Variants in MYO10 observed in about 807,000 individuals in gnomAD.
The protein encoded by MYO10 is myosin X, also known as unconventional myosin-X.
A neutral mutation model predicts 257.3 loss-of-function variants in MYO10; 133 were observed. The observed-to-expected ratio is 0.52, with a 90% CI of 0.45 to 0.60. The LOEUF (loss-of-function observed/expected upper bound fraction) is 0.60. MYO10 is among the 20% of genes least tolerant of loss of function. The probability of loss-of-function intolerance (pLI) is 0.00; values close to 1 mark genes in which losing one functional copy is unlikely to be tolerated. For missense variants in MYO10, 2,399 were observed against 2,635.7 expected (o/e 0.91, Z 1.97); for synonymous variants, 1,104 against 1,028.6 (o/e 1.07, Z -1.40).
intron 2 of MYO10, among the ~76,000 whole-genome samples, chr5:16,832,467 C>T (rs1743189214): frequency 6.6e-6 from 1 of 152,020 alleles, no homozygotes; most frequent in South Asian, 2.1e-4. Context: ...CACAAGCTCT[C>T]AGAAGGAAAA....
intron 2 of MYO10, among the ~76,000 whole-genome samples, chr5:16,822,626 T>C (rs775147771): frequency 1.3e-5 from 2 of 152,148 alleles, no homozygotes; most frequent in Non-Finnish European, 2.9e-5. Context: ...TCTTAATACA[T>C]TATTGGGTGA....
intron 2 of MYO10, among the ~76,000 whole-genome samples, chr5:16,840,968 C>T (rs561879128): frequency 3.3e-5 from 5 of 151,084 alleles, no homozygotes; most frequent in East Asian, 2.0e-4. Flanking sequence ...TGGTGAAACC[C>T]CATCTCTACT....
Position 16,694,608 on chromosome 5 carries a change from A to G in MYO10, c.3563T>C (p.Leu1188Pro), listed in dbSNP as rs377739525. ...CCAGCGGCGTTTCCAAGAGTTCATC[A>G]GGCCACCTGTTCCCCGTGAGATTGG... Reference protein sequence around the residue: ...FHSFLYMKGGLMNSWKRRWCV... With the variant: ...FHSFLYMKGGPMNSWKRRWCV... Residue 1188 changes from leucine to proline, a missense_variant, in exon 27 of 41, where the codon CTG becomes CCG. Coordinates refer to ENST00000513610, the MANE Select transcript of MYO10 (RefSeq NM_012334.3). 4.8e-5 allele frequency: 77 copies of G among 1,613,634 alleles called. No individual in the cohort carries two copies. The highest frequency in any genetic ancestry group is 6.4e-5 in the Non-Finnish European group (75 of 1,179,880).
rs779194658 is a variant in MYO10 at position 16,701,602 on chromosome 5, C to T, written c.2793G>A (p.Glu931=). Residue 931 remains glutamate (E), a synonymous_variant, in exon 25 of 41, where the codon GAG becomes GAA. Coordinates refer to ENST00000513610, the MANE Select transcript of MYO10 (RefSeq NM_012334.3). The surrounding 1 kb of genome is among the most constrained non-coding windows in gnomAD (Gnocchi z 8.1). Reference sequence around the variant, plus strand: ...CCTGGGCCGCCCTGCACGCTTCCTCCTCCAGCCTGCGGAGCTCCTGGTCCC... The same window carrying T: ...CCTGGGCCGCCCTGCACGCTTCCTCTTCCAGCCTGCGGAGCTCCTGGTCCC... ...ERRDQELRRL[E]EEACRAAQEF... 2.5e-6 allele frequency: 4 copies of T among 1,613,112 alleles called. No individual in the cohort carries two copies. Among genetic ancestry groups the T allele is most frequent in the Non-Finnish European group, 3.4e-6 (4 of 1,179,610 alleles).
At chr5:16,819,023 TTAAA>T (rs751612268) in intron 2 of MYO10, among the ~76,000 whole-genome samples, 1 of 152,194 alleles carries the variant, frequency 6.6e-6, no homozygotes, top group South Asian at 2.1e-4. Flanking sequence ...TTTAAGTACT[TTAAA>T]TATGGTATAC....
At chr5:16,738,485 A>G (rs1290422157) in intron 19 of MYO10, 1 of 872,302 alleles carries the variant, frequency 1.1e-6, no homozygotes, top group Non-Finnish European at 1.4e-6. Flanking sequence ...GAGGGAGCCC[A>G]GTCAAGTTCC....
Position 16,935,836 on chromosome 5 carries a change from A to C in MYO10, c.-28T>G. 1 of 1,611,900 alleles carries C rather than the reference A, an allele frequency of 6.2e-7. No homozygotes were observed. Among genetic ancestry groups the C allele is most frequent in the Non-Finnish European group, 8.5e-7 (1 of 1,179,216 alleles). ...TTCCAGCGCAGTCCCGGACTCGCCG[A>C]GTGCCGCTCCGACTCGCGGAAGTCA... On this transcript the variant is annotated 5_prime_UTR_variant, in exon 1 of 41. Coordinates refer to ENST00000513610, the MANE Select transcript of MYO10 (RefSeq NM_012334.3).
rs967076993 is a variant in MYO10 at position 16,890,625 on chromosome 5, A to G, written c.22-12918T>C. Among the ~76,000 whole-genome samples the G allele has an allele frequency of 4.0e-5, 6 of 151,614 alleles. 1 individual carries two copies. Among genetic ancestry groups the G allele is most frequent in the African/African-American group, 1.5e-4 (6 of 40,944 alleles). ...GAGGCCGGGGCAGGCAGATCACCTG[A>G]GGTCAGGAGTTCGAGACCAGCCTGG... On this transcript the variant is annotated intron_variant, in intron 1 of 40. Coordinates refer to ENST00000513610, the MANE Select transcript of MYO10 (RefSeq NM_012334.3).
At position 16,914,888 on chromosome 5, in the gene MYO10, G is replaced by C. The variant is rs547718745; in HGVS notation, c.21+20900C>G. On this transcript the variant is annotated intron_variant, in intron 1 of 40. Coordinates refer to ENST00000513610, the MANE Select transcript of MYO10 (RefSeq NM_012334.3). ...CATCTGGCTGTGGGACTTTGCAAGGGTGGAACTTTCGCAGCTGATTAGAAA... is the reference window on the plus strand; with the variant it reads ...CATCTGGCTGTGGGACTTTGCAAGGCTGGAACTTTCGCAGCTGATTAGAAA... 9.2e-5 allele frequency among the ~76,000 whole-genome samples: 14 copies of C among 152,326 alleles called. No homozygotes were observed. The South Asian group carries it at 1.9e-3, about 20-fold the overall frequency.
chr5:16,925,096 G>A (rs1275731079), intron 1 of MYO10, among the ~76,000 whole-genome samples: 1 of 152,026 alleles, frequency 6.6e-6, no homozygotes, highest in Non-Finnish European at 1.5e-5. Flanking sequence ...CTCCCAAAGT[G>A]CTGGGATTAC....
At chr5:16,854,882 A>G (rs975725712) in intron 2 of MYO10, among the ~76,000 whole-genome samples, 11 of 152,008 alleles carry the variant, frequency 7.2e-5, no homozygotes, top group South Asian at 4.2e-4. Flanking sequence ...AAATACAAAA[A>G]TTAGCCGGGC....
chr5:16,675,254 G>A (rs1736672352), intron 34 of MYO10, 104 bp from the exon 35 acceptor site: 9 of 1,144,894 alleles, frequency 7.9e-6, no homozygotes, highest in Non-Finnish European at 1.1e-5. Flanking sequence ...GAGGAGGACG[G>A]ATGCAATGCC....
At chr5:16,905,297 A>T (rs1682223902) in intron 1 of MYO10, among the ~76,000 whole-genome samples, 1 of 152,164 alleles carries the variant, frequency 6.6e-6, no homozygotes, top group Non-Finnish European at 1.5e-5. Context: ...CATTCAGCAA[A>T]GCTCACTGTT....
intron 19 of MYO10, among the ~76,000 whole-genome samples, chr5:16,744,415 G>A (rs924302947): frequency 1.3e-5 from 2 of 152,140 alleles, no homozygotes; most frequent in Non-Finnish European, 2.9e-5. Flanking sequence ...AAACCTGGGT[G>A]CACACCTTTG....
chr5:16,856,921 T>C (rs1166917860), intron 2 of MYO10, among the ~76,000 whole-genome samples: 1 of 152,158 alleles, frequency 6.6e-6, no homozygotes, highest in Non-Finnish European at 1.5e-5. Flanking sequence ...TATGGAAACT[T>C]TGGGAGTTCC....
At chr5:16,793,087 T>G (rs1318594291) in intron 4 of MYO10, among the ~76,000 whole-genome samples, 2 of 152,136 alleles carry the variant, frequency 1.3e-5, no homozygotes, top group Non-Finnish European at 2.9e-5. Context: ...CAGTAACAAC[T>G]ATACCCCGTG....
chr5:16,718,274 C>G (rs954689284), intron 19 of MYO10, among the ~76,000 whole-genome samples: 8 of 152,222 alleles, frequency 5.3e-5, no homozygotes, highest in African/African-American at 1.9e-4. Flanking sequence ...GCCTCCCTGA[C>G]GAGCACCGCC....
At position 16,666,081 on chromosome 5, in the gene MYO10, T is replaced by A. The variant is rs1234608403; in HGVS notation, c.*611A>T. On this transcript the variant is annotated 3_prime_UTR_variant, in exon 41 of 41. Transcript: ENST00000513610. ...TGAAACCATGATTAAAGTGTTGAGT[T>A]TATGAACACATGCACGAACAGGCAA... 1 of 152,764 alleles carries A rather than the reference T, an allele frequency of 6.5e-6. No individual in the cohort carries two copies. The highest frequency in any genetic ancestry group is 2.4e-5 in the African/African-American group (1 of 41,460). 9.5% of individuals were successfully genotyped at this position (152,764 alleles called of 1,614,324 possible).
At chr5:16,763,864 G>T (rs1276851789) in intron 12 of MYO10, 109 bp from the exon 13 acceptor site, 2 of 741,730 alleles carry the variant, frequency 2.7e-6, no homozygotes, top group African/African-American at 1.8e-5. Context: ...AATGCCTGTT[G>T]TCTGGCACAG....
Sources: allele counts gnomAD v4.1 joint callset (sites outside exome capture counted in the v4.1 genomes callset), GRCh38; gene constraint gnomAD v4.1.1; non-coding constraint Gnocchi (gnomAD v3.1); transcripts MANE v1.5; gene names NCBI Gene and HGNC (gene_info 2026-07-23, HGNC 2026-07-21).